The following LARP1 variants were observed in gnomAD, a reference collection of about 807,000 sequenced individuals.
The protein encoded by LARP1 is La ribonucleoprotein 1, translational regulator.
In LARP1, 36 loss-of-function variants were observed where a neutral mutation model predicts 122.7. The ratio of observed to expected loss-of-function variants is 0.29; its 90% CI spans 0.22 to 0.39. The LOEUF (loss-of-function observed/expected upper bound fraction) is 0.39. Ranked by LOEUF, LARP1 falls within the 10% of genes least tolerant of loss-of-function variation. The pLI, the probability that LARP1 is intolerant of heterozygous loss-of-function variation, is 1.00. For synonymous variants in LARP1, 539 were observed against 528.7 expected (o/e 1.02, Z -0.27); for missense variants, 1,040 against 1,403.6 (o/e 0.74, Z 4.14).
At chr5:154,685,877 TG>T in intron 1 of LARP1, 5 of 507,058 alleles carry the variant, frequency 9.9e-6, no homozygotes, top group Non-Finnish European at 1.9e-5. Flanking sequence ...GCATGTAAAC[TG>T]TACAGCCCTA....
intron 1 of LARP1, among the ~76,000 whole-genome samples, chr5:154,781,517 T>C (rs150835945): frequency 0.07 from 10,606 of 151,512 alleles, 431 homozygotes; most frequent in Middle Eastern, 0.11. Flanking sequence ...GGCGTGATCC[T>C]GGGAGGCGGA....
intron 4 of LARP1, 106 bp from the exon 5 acceptor site, chr5:154,793,489 T>C (rs1443842478): frequency 2.1e-6 from 3 of 1,408,484 alleles, no homozygotes; most frequent in Admixed American, 1.8e-5. Flanking sequence ...GGTAACCAGA[T>C]TGTGATTTGG....
chr5:154,710,781 A>G (rs2113289598), upstream of LARP1, among the ~76,000 whole-genome samples: 1 of 151,446 alleles, frequency 6.6e-6, no homozygotes, highest in African/African-American at 2.4e-5. Flanking sequence ...TGAAACCTCT[A>G]ATACAAACAC....
At chr5:154,771,069 G>T (rs554619875) in intron 1 of LARP1, among the ~76,000 whole-genome samples, 1 of 149,842 alleles carries the variant, frequency 6.7e-6, no homozygotes, top group Non-Finnish European at 1.5e-5. Context: ...CCAAGATCGC[G>T]CCACTGCCCT....
intron 1 of LARP1, among the ~76,000 whole-genome samples, chr5:154,781,254 A>G (rs1756402332): frequency 6.6e-6 from 1 of 152,138 alleles, no homozygotes; most frequent in Non-Finnish European, 1.5e-5. Flanking sequence ...GGAAAGCCCA[A>G]GGGAGCCCCG....
In LARP1 at chr5:154,809,699, C is replaced by CT. The variant is rs773095772; in HGVS notation, c.2843+1114dup. Among the ~76,000 whole-genome samples, 893 of 134,930 alleles carry CT rather than the reference C, an allele frequency of 6.6e-3. 9 individuals are homozygous for CT. The highest frequency in any genetic ancestry group is 0.014 in the East Asian group (67 of 4,702). 88.5% of individuals were successfully genotyped at this position (134,930 alleles called of 152,430 possible). A position where few individuals can be genotyped will look rare whatever the true frequency, so the allele number is the denominator to read the frequency against. On this transcript the variant is annotated intron_variant, in intron 16 of 18. Transcript: ENST00000518297. ...CCTTAAGTATACATTTATACTATTTCTTTTTTTTTTTTTTTTTTGAGGTGG... is the reference window on the plus strand; with the variant it reads ...CCTTAAGTATACATTTATACTATTTCTTTTTTTTTTTTTTTTTTTGAGGTGG...
At chr5:154,712,744 G>A (rs889630134), upstream of LARP1, among the ~76,000 whole-genome samples, 2 of 152,144 alleles carry the variant, frequency 1.3e-5, no homozygotes, top group Non-Finnish European at 2.9e-5. Flanking sequence ...AAGGTAAAGA[G>A]GTGGGGTAGC....
rs1758433330 is a variant in LARP1 at position 154,802,549 on chromosome 5, A to G, written c.2109+150A>G. On this transcript the variant is annotated intron_variant, in intron 11 of 18. Transcript: ENST00000518297. The surrounding 1 kb of genome is among the most constrained non-coding windows in gnomAD (Gnocchi z 5.1). ...ATATGGGAAGGGGATGATGACTGAC[A>G]TCTAGCTTGGGCATTAGGAGTGAGG... 4.1e-6 allele frequency: 4 copies of G among 976,266 alleles called. No individual in the cohort carries two copies. The highest frequency in any genetic ancestry group is 5.9e-5 in the Admixed American group (2 of 34,032). The allele number at this position is 976,266 out of a possible 1,614,324, so 60.5% of individuals were successfully genotyped here. A position where few individuals can be genotyped will look rare whatever the true frequency, so the allele number is the denominator to read the frequency against.
Position 154,726,026 on chromosome 5 carries a change from G to GGC in LARP1, c.205+12896_205+12897insGC, listed in dbSNP as rs750027476. On this transcript the variant is annotated intron_variant, in intron 1 of 18. Transcript: ENST00000336314. ...AGCTAATTTTTGTATTTTTAGTAGAGACGGGTTATCTCCATGTTGCCCAGG... is the reference window on the plus strand; with the variant it reads ...AGCTAATTTTTGTATTTTTAGTAGAGGCACGGGTTATCTCCATGTTGCCCAGG... Among the ~76,000 whole-genome samples, 537 of 54,026 alleles carry GGC rather than the reference G, an allele frequency of 9.9e-3. 1 individual carries two copies. The highest frequency in any genetic ancestry group is 0.051 in the African/African-American group (523 of 10,274). 35.4% of individuals were successfully genotyped at this position (54,026 alleles called of 152,430 possible).
intron 1 of LARP1, among the ~76,000 whole-genome samples, chr5:154,707,670 A>G (rs911232974): frequency 2.0e-5 from 3 of 152,158 alleles, no homozygotes; most frequent in African/African-American, 7.2e-5. Context: ...ATTCAAGCAC[A>G]TTACATTTAT....
intron 1 of LARP1, among the ~76,000 whole-genome samples, chr5:154,737,747 C>T (rs1228061484): frequency 1.3e-5 from 2 of 152,156 alleles, no homozygotes; most frequent in African/African-American, 4.8e-5. Flanking sequence ...TCAAAACTCT[C>T]TTCCCCAAGC....
intron 1 of LARP1, among the ~76,000 whole-genome samples, chr5:154,725,849 C>T (rs1253807257): frequency 6.7e-6 from 1 of 150,036 alleles, no homozygotes; most frequent in Non-Finnish European, 1.5e-5. Context: ...TCTTCTTCTT[C>T]TTTTTTTTTG....
At chr5:154,695,651 C>T (rs976753179) in intron 1 of LARP1, among the ~76,000 whole-genome samples, 5 of 150,146 alleles carry the variant, frequency 3.3e-5, no homozygotes, top group African/African-American at 7.4e-5. Context: ...AGCAAGGCTC[C>T]GTCTCAAAAA....
intron 1 of LARP1, among the ~76,000 whole-genome samples, chr5:154,725,111 G>A (rs939642504): frequency 3.9e-5 from 6 of 152,084 alleles, no homozygotes; most frequent in Admixed American, 1.3e-4. Flanking sequence ...CCAGGTGTGG[G>A]CTGGATGCGG....
At chr5:154,747,877 C>CA (rs1465752103) in intron 1 of LARP1, among the ~76,000 whole-genome samples, 1 of 151,920 alleles carries the variant, frequency 6.6e-6, no homozygotes, top group Non-Finnish European at 1.5e-5. Context: ...AAAAAAAAGA[C>CA]ACAGTGTCTC....
At chr5:154,732,235 T>C (rs1432977036) in intron 1 of LARP1, among the ~76,000 whole-genome samples, 1 of 149,264 alleles carries the variant, frequency 6.7e-6, no homozygotes, top group African/African-American at 2.5e-5. Flanking sequence ...AACCATATAA[T>C]TTACCAATTA....
chr5:154,790,026 G>A (rs936823101), intron 1 of LARP1, among the ~76,000 whole-genome samples: 5 of 152,210 alleles, frequency 3.3e-5, no homozygotes, highest in Admixed American at 2.0e-4. Flanking sequence ...CTCAGTCTCT[G>A]TTACGGAACT....
At chr5:154,782,790 G>C (rs1320943014) in intron 1 of LARP1, among the ~76,000 whole-genome samples, 1 of 152,218 alleles carries the variant, frequency 6.6e-6, no homozygotes, top group Non-Finnish European at 1.5e-5. Context: ...GGGCAGAGAG[G>C]CCTCTGAGAG....
intron 1 of LARP1, chr5:154,756,428 C>G (rs1753908937): frequency 1.5e-5 from 15 of 992,216 alleles, no homozygotes; most frequent in Non-Finnish European, 1.8e-5. Context: ...CCGCCTGGGC[C>G]GCAGCGGTTA....
Sources: gnomAD v4.1 joint callset for allele counts (sites outside exome capture counted in the v4.1 genomes callset) on GRCh38, gnomAD v4.1.1 for gene constraint, Gnocchi (gnomAD v3.1) non-coding constraint, MANE v1.5 for transcripts, NCBI Gene and HGNC (gene_info 2026-07-23, HGNC 2026-07-21) for gene names.